Variants in RSRC2 observed in about 807,000 individuals in gnomAD.
RSRC2 encodes arginine/serine-rich coiled-coil protein 2.
Under a neutral mutation model 61.3 loss-of-function variants are expected in RSRC2, and 5 were observed. The ratio of observed to expected loss-of-function variants is 0.08; its 90% CI spans 0.04 to 0.17. The LOEUF (loss-of-function observed/expected upper bound fraction) is 0.17. Ranked by LOEUF, RSRC2 falls within the 10% of genes least tolerant of loss-of-function variation. The probability of loss-of-function intolerance (pLI) is 1.00; values close to 1 mark genes in which losing one functional copy is unlikely to be tolerated. For missense variants in RSRC2, 381 were observed against 518.8 expected (o/e 0.73, Z 2.58); for synonymous variants, 202 against 166.5 (o/e 1.21, Z -1.64).
rs940209050 is a variant in RSRC2, at chr12:122,511,244, A to G, written c.726-56T>C. The stretch of plus-strand genomic sequence containing the variant: ...AACACAATATAAAACCATTATGTAT[A>G]TATCTCTCTATATGTGCATGTACAG... On this transcript the variant is annotated intron_variant, in intron 6 of 9. Transcript: ENST00000331738. The G allele has an allele frequency of 3.6e-5, 46 of 1,291,868 alleles. No homozygotes were observed. The African/African-American group carries it at 4.8e-4, about 13-fold the overall frequency. 80.0% of individuals were successfully genotyped at this position (1,291,868 alleles called of 1,614,324 possible). A position where few individuals can be genotyped will look rare whatever the true frequency, so the allele number is the denominator to read the frequency against.
At chr12:122,517,566 G>C (rs1366636424) in intron 4 of RSRC2, 136 bp from the exon 5 acceptor site, 3 of 1,064,006 alleles carry the variant, frequency 2.8e-6, no homozygotes, top group East Asian at 5.2e-5. Flanking sequence ...AGAAATAAGC[G>C]AGATTTTCAA....
At chr12:122,519,332 T>A (rs1037992796) in intron 3 of RSRC2, 1 of 303,044 alleles carries the variant, frequency 3.3e-6, no homozygotes, top group Non-Finnish European at 6.3e-6. Flanking sequence ...CTTATGTTTA[T>A]CTAAAAGAAT....
intron 8 of RSRC2, 57 bp downstream of exon 8, chr12:122,508,161 T>C: frequency 6.6e-7 from 1 of 1,505,478 alleles, no homozygotes; most frequent in Non-Finnish European, 9.2e-7. Context: ...AAATTTGTTT[T>C]TCTAAGCAAT....
chr12:122,521,563 G>A, intron 2 of RSRC2, 135 bp from the exon 3 acceptor site: 1 of 712,062 alleles, frequency 1.4e-6, no homozygotes, highest in Non-Finnish European at 2.5e-6. Context: ...GGCACGGGTG[G>A]GATTATTCTA....
chr12:122,516,043 T>G (rs1054595444), intron 5 of RSRC2, among the ~76,000 whole-genome samples: 13 of 151,990 alleles, frequency 8.6e-5, no homozygotes, highest in African/African-American at 2.7e-4. Context: ...AAAAAAAAAT[T>G]TCTTAATTGG....
chr12:122,509,118 ATT>A (rs765957225), intron 7 of RSRC2, among the ~76,000 whole-genome samples: 6 of 151,936 alleles, frequency 3.9e-5, no homozygotes, highest in Non-Finnish European at 7.4e-5. Flanking sequence ...TCTCATGGAC[ATT>A]TCATTTGATG....
At chr12:122,525,947 A>G (rs1253240253) in intron 1 of RSRC2, among the ~76,000 whole-genome samples, 1 of 51,228 alleles carries the variant, frequency 2.0e-5, no homozygotes, top group Admixed American at 1.6e-4. Flanking sequence ...TCAGCCTCCC[A>G]AGTAGCTGGG....
In RSRC2 at chr12:122,522,548, T is replaced by C. The variant is rs375029444; in HGVS notation, c.7-249A>G. 12 of 329,004 alleles carry C rather than the reference T, an allele frequency of 3.6e-5. No individual in the cohort carries two copies. The East Asian group carries it at 3.7e-4, about 10-fold the overall frequency. The allele number at this position is 329,004 out of a possible 1,614,324, so 20.4% of individuals were successfully genotyped here. A position where few individuals can be genotyped will look rare whatever the true frequency, so the allele number is the denominator to read the frequency against. Reference sequence around the variant, plus strand: ...TTTAATTTTCTAACGATGATTTGTATAACTTTTAAAACATGGGGTGGGGTG... The same window carrying C: ...TTTAATTTTCTAACGATGATTTGTACAACTTTTAAAACATGGGGTGGGGTG... On this transcript the variant is annotated intron_variant, in intron 1 of 9. Transcript: ENST00000331738.
chr12:122,524,889 G>A (rs1959835325), intron 1 of RSRC2, among the ~76,000 whole-genome samples: 1 of 152,152 alleles, frequency 6.6e-6, no homozygotes. Flanking sequence ...GTGGCTCTAC[G>A]AGGTAGCCAC....
intron 4 of RSRC2, among the ~76,000 whole-genome samples, chr12:122,517,783 G>C (rs1446530573): frequency 6.6e-6 from 1 of 151,628 alleles, no homozygotes; most frequent in African/African-American, 2.4e-5. Context: ...ACAACCCACA[G>C]AATTCTCCAA....
chr12:122,525,331 G>A lies in RSRC2; in HGVS notation c.6+1517C>T, dbSNP rs534325820. On this transcript the variant is annotated intron_variant, in intron 1 of 9. Coordinates refer to ENST00000331738, the MANE Select transcript of RSRC2 (RefSeq NM_023012.6). ...GCGGAGGTTGCAGTGAGCCAAGATC[G>A]CGCCATCGCACTCCAGCCTGGGCGA... is the stretch of plus-strand genomic sequence containing the variant. 1.6e-4 allele frequency among the ~76,000 whole-genome samples: 24 copies of A among 152,176 alleles called. No homozygotes were observed. The South Asian group carries it at 4.4e-3, about 28-fold the overall frequency.
rs1294783217 is a variant in RSRC2, at chr12:122,525,908, G to A, written c.6+940C>T. Among the ~76,000 whole-genome samples, 5 of 21,804 alleles carry A rather than the reference G, an allele frequency of 2.3e-4. 2 individuals are homozygous for A. Among genetic ancestry groups the A allele is most frequent in the Non-Finnish European group, 3.7e-4 (5 of 13,420 alleles). 14.3% of individuals were successfully genotyped at this position (21,804 alleles called of 152,430 possible). ...GGGATCTCGGTTCACTGCAAGCTCC[G>A]CCTCCCGGGTTCACGCCATTCTCCT... On this transcript the variant is annotated intron_variant, in intron 1 of 9. Coordinates refer to ENST00000331738, the MANE Select transcript of RSRC2 (RefSeq NM_023012.6).
At position 122,522,048 on chromosome 12, in the gene RSRC2, C is replaced by A. The variant is rs914540403; in HGVS notation, c.163+95G>T. 3.1e-6 allele frequency: 4 copies of A among 1,303,654 alleles called. No homozygotes were observed. In the African/African-American group the frequency reaches 6.0e-5, roughly 20 times the overall value. The allele number at this position is 1,303,654 out of a possible 1,614,324, so 80.8% of individuals were successfully genotyped here. A position where few individuals can be genotyped will look rare whatever the true frequency, so the allele number is the denominator to read the frequency against. On this transcript the variant is annotated intron_variant, in intron 2 of 9. Transcript: ENST00000331738. ...CATTACAGGCTTGAGCCACCATGCC[C>A]AGCCAACAAACTAAATGTATGTGTC...
At chr12:122,524,250 CTT>C (rs942620178) in intron 1 of RSRC2, among the ~76,000 whole-genome samples, 1 of 149,842 alleles carries the variant, frequency 6.7e-6, no homozygotes, top group Non-Finnish European at 1.5e-5. Flanking sequence ...ATTCTGGACA[CTT>C]TTTTTTTTCA....
At chr12:122,509,041 C>G (rs1958306019) in intron 7 of RSRC2, among the ~76,000 whole-genome samples, 1 of 151,990 alleles carries the variant, frequency 6.6e-6, no homozygotes, top group South Asian at 2.1e-4. Flanking sequence ...TGGAGATGAA[C>G]TATAGTGTTT....
In RSRC2 at chr12:122,503,648, TTGA is replaced by T. The variant is rs746097307; in HGVS notation, c.*1876_*1878del. 6.6e-5 allele frequency: 10 copies of T among 152,190 alleles called. No individual in the cohort carries two copies. Among genetic ancestry groups the T allele is most frequent in the Non-Finnish European group, 1.0e-4 (7 of 68,032 alleles). 9.4% of individuals were successfully genotyped at this position (152,190 alleles called of 1,614,324 possible). On this transcript the variant is annotated 3_prime_UTR_variant, in exon 10 of 10. Coordinates refer to ENST00000331738, the MANE Select transcript of RSRC2 (RefSeq NM_023012.6). ...AAAGGCAGAGCTTAATTGAAAAATG[TTGA>T]TGATCACGAAATGAAGGATCCATAG...
At chr12:122,525,258 C>G (rs922019859) in intron 1 of RSRC2, among the ~76,000 whole-genome samples, 1 of 151,974 alleles carries the variant, frequency 6.6e-6, no homozygotes, top group African/African-American at 2.4e-5. Flanking sequence ...CGCCTGTAAT[C>G]CCAGCTACTC....
chr12:122,514,169 T>C (rs553561074), intron 6 of RSRC2, among the ~76,000 whole-genome samples: 1 of 152,312 alleles, frequency 6.6e-6, no homozygotes, highest in East Asian at 1.9e-4. Context: ...GTTCTTTGAA[T>C]AGTTTTGCAG....
intron 6 of RSRC2, 140 bp downstream of exon 6, chr12:122,514,964 AC>A (rs1958799885): frequency 2.2e-6 from 2 of 921,396 alleles, no homozygotes; most frequent in African/African-American, 3.3e-5. Context: ...TAAACTATTT[AC>A]ATAGTTCTAG....
Sources: gnomAD v4.1 joint callset for allele counts (sites outside exome capture counted in the v4.1 genomes callset) on GRCh38, gnomAD v4.1.1 for gene constraint, MANE v1.5 for transcripts, NCBI Gene and HGNC (gene_info 2026-07-23, HGNC 2026-07-21) for gene names.